The following DEPDC5 variants were observed in gnomAD, a reference collection of about 807,000 sequenced individuals.
DEPDC5 encodes the protein GATOR1 complex protein DEPDC5.
DEPDC5 carries 73 observed loss-of-function variants against 217.3 expected under a neutral mutation model. That is an observed-to-expected ratio of 0.34 (90% CI 0.28 to 0.41). The LOEUF is 0.41. DEPDC5 is among the 10% of genes least tolerant of loss of function. The pLI, the probability that DEPDC5 is intolerant of heterozygous loss-of-function variation, is 1.00. For missense variants in DEPDC5, 1,675 were observed against 2,070.1 expected, an observed-to-expected ratio of 0.81 and a Z score of 3.70; for synonymous variants, 733 against 756.7, an observed-to-expected ratio of 0.97 and a Z score of 0.51.
Position 31,822,808 on chromosome 22 carries a change from T to G in DEPDC5, c.2104+18T>G. ...TGGTGCAGGTAACCAATCCAAGAGG[T>G]AATAGAGTTGGGATGTTTAGATCAG... On this transcript the variant is annotated intron_variant, in intron 24 of 42. Transcript: ENST00000651528. The G allele has an allele frequency of 6.2e-7, 1 of 1,611,418 alleles. No homozygotes were observed. The highest frequency in any genetic ancestry group is 8.5e-7 in the Non-Finnish European group (1 of 1,178,542).
chr22:31,894,008 A>C (rs2093495492), intron 39 of DEPDC5: 3 of 297,980 alleles, frequency 1.0e-5, no homozygotes, highest in African/African-American at 6.6e-5. Flanking sequence ...GGAGTCCTGC[A>C]CCTTATGGGA....
chr22:31,852,593 C>A (rs1159324555), intron 31 of DEPDC5, among the ~76,000 whole-genome samples: 1 of 152,128 alleles, frequency 6.6e-6, no homozygotes, highest in Admixed American at 6.5e-5. Flanking sequence ...CCTGCCTTGG[C>A]CTCCCAAAGT....
intron 38 of DEPDC5, among the ~76,000 whole-genome samples, chr22:31,882,574 G>T (rs1452962844): frequency 6.6e-6 from 1 of 152,172 alleles, no homozygotes; most frequent in African/African-American, 2.4e-5. Flanking sequence ...TGATTTCTTG[G>T]AAGTGTGTTT....
chr22:31,852,432 C>T (rs2092079738), intron 31 of DEPDC5, among the ~76,000 whole-genome samples: 1 of 148,302 alleles, frequency 6.7e-6, no homozygotes, highest in African/African-American at 2.5e-5. Flanking sequence ...CCTCCATCTT[C>T]TGGGTTCAAG....
At chr22:31,757,680 T>C (rs1850357522) in intron 2 of DEPDC5, among the ~76,000 whole-genome samples, 1 of 152,254 alleles carries the variant, frequency 6.6e-6, no homozygotes, top group African/African-American at 2.4e-5. Context: ...TTTATGCTTC[T>C]GAGTTTGCAA....
chr22:31,872,536 G>T (rs1256310036), intron 34 of DEPDC5, among the ~76,000 whole-genome samples: 1 of 152,104 alleles, frequency 6.6e-6, no homozygotes, highest in East Asian at 1.9e-4. Flanking sequence ...CATTCCCCAT[G>T]CTCTTAGGGT....
chr22:31,900,556 T>A (rs1289156749), intron 40 of DEPDC5, among the ~76,000 whole-genome samples: 1 of 151,454 alleles, frequency 6.6e-6, no homozygotes, highest in African/African-American at 2.4e-5. Flanking sequence ...CTGGCCAACA[T>A]GTTGAAACTC....
intron 18 of DEPDC5, among the ~76,000 whole-genome samples, chr22:31,808,146 A>C (rs1283146663): frequency 6.6e-6 from 1 of 151,872 alleles, no homozygotes; most frequent in Non-Finnish European, 1.5e-5. Context: ...TGTCATGCCC[A>C]GTGTAGTGGT....
chr22:31,868,340 C>T (rs965831105), intron 33 of DEPDC5, among the ~76,000 whole-genome samples: 1 of 152,172 alleles, frequency 6.6e-6, no homozygotes, highest in Non-Finnish European at 1.5e-5. Context: ...TCCAGCAATG[C>T]ACAGGACAGC....
chr22:31,855,632 C>T (rs1328563468), intron 31 of DEPDC5, among the ~76,000 whole-genome samples: 2 of 151,980 alleles, frequency 1.3e-5, no homozygotes, highest in African/African-American at 4.8e-5. Context: ...CCTGCCTCGG[C>T]CTCCCAAAGT....
At chr22:31,768,453 G>C (rs1209746136) in intron 6 of DEPDC5, among the ~76,000 whole-genome samples, 1 of 152,054 alleles carries the variant, frequency 6.6e-6, no homozygotes, top group Non-Finnish European at 1.5e-5. Flanking sequence ...TCTAAAGTGA[G>C]AGATAAAATG....
chr22:31,778,047 A>G (rs1449490818), intron 7 of DEPDC5, 52 bp from the exon 8 acceptor site: 6 of 1,586,856 alleles, frequency 3.8e-6, no homozygotes, highest in African/African-American at 1.3e-5. Context: ...TGCACCAGGC[A>G]TGTATTGGTT....
chr22:31,857,086 C>G (rs543202301), intron 31 of DEPDC5, among the ~76,000 whole-genome samples: 1 of 152,108 alleles, frequency 6.6e-6, no homozygotes, highest in Admixed American at 6.6e-5. Context: ...TCAGAATGTG[C>G]TTTTGCTGGT....
chr22:31,871,469 C>T (rs2092840668), intron 34 of DEPDC5, among the ~76,000 whole-genome samples: 1 of 152,182 alleles, frequency 6.6e-6, no homozygotes, highest in Admixed American at 6.5e-5. Context: ...CTGGTGTAAT[C>T]TGTGTCTCAT....
At chr22:31,759,117 A>G (rs2082168172) in intron 3 of DEPDC5, among the ~76,000 whole-genome samples, 1 of 151,918 alleles carries the variant, frequency 6.6e-6, no homozygotes, top group South Asian at 2.1e-4. Flanking sequence ...TTTTTGGTAG[A>G]GACAGGGTTT....
At chr22:31,818,468 G>A (rs1334780343) in intron 21 of DEPDC5, among the ~76,000 whole-genome samples, 1 of 152,124 alleles carries the variant, frequency 6.6e-6, no homozygotes, top group Admixed American at 6.5e-5. Flanking sequence ...GGAGATCATT[G>A]TGGTCCAGGC....
At chr22:31,815,986 T>A in intron 21 of DEPDC5, 2 of 987,654 alleles carry the variant, frequency 2.0e-6, no homozygotes, top group Non-Finnish European at 2.4e-6. Flanking sequence ...ACAACCTCTG[T>A]CTTAATGTTG....
intron 7 of DEPDC5, among the ~76,000 whole-genome samples, chr22:31,772,567 T>C (rs1193528524): frequency 6.6e-6 from 1 of 152,080 alleles, no homozygotes; most frequent in African/African-American, 2.4e-5. Flanking sequence ...ACTTTGTGAG[T>C]AGCAATAGAT....
chr22:31,799,557 A>G (rs1893718496), intron 14 of DEPDC5, among the ~76,000 whole-genome samples: 1 of 145,088 alleles, frequency 6.9e-6, no homozygotes, highest in Non-Finnish European at 1.5e-5. Context: ...ATCTTGACTC[A>G]CTGCAACCTC....
Sources: allele counts gnomAD v4.1 joint callset (sites outside exome capture counted in the v4.1 genomes callset), GRCh38; gene constraint gnomAD v4.1.1; transcripts MANE v1.5; gene names NCBI Gene and HGNC (gene_info 2026-07-23, HGNC 2026-07-21).